SYNE2: variants seen among roughly 807,000 people sequenced by gnomAD.
SYNE2 encodes spectrin repeat containing nuclear envelope protein 2.
Under a neutral mutation model 856.3 loss-of-function variants are expected in SYNE2, and 431 were observed. The observed-to-expected ratio is 0.50, with a 90% CI of 0.47 to 0.55. SYNE2 has a LOEUF of 0.55. Ranked by LOEUF, SYNE2 falls within the 20% of genes least tolerant of loss-of-function variation. The pLI, the probability that SYNE2 is intolerant of heterozygous loss-of-function variation, is 0.00. For missense variants in SYNE2, 8,129 were observed against 8,023.2 expected (o/e 1.01, Z -0.50); for synonymous variants, 2,923 against 2,872.3 (o/e 1.02, Z -0.56).
At chr14:64,130,898 A>G (rs2098012294) in intron 76 of SYNE2, among the ~76,000 whole-genome samples, 1 of 151,052 alleles carries the variant, frequency 6.6e-6, no homozygotes, top group Admixed American at 6.6e-5. Flanking sequence ...AAAAAAAAAA[A>G]AGAAGAAAAG....
At chr14:63,770,070 C>T (rs1196591986) in intron 1 of SYNE2, among the ~76,000 whole-genome samples, 1 of 152,118 alleles carries the variant, frequency 6.6e-6, no homozygotes, top group African/African-American at 2.4e-5. Context: ...TGCCATCATG[C>T]CTGGCTAATT....
chr14:64,050,346 A>G (rs890202884), intron 47 of SYNE2, among the ~76,000 whole-genome samples: 10 of 152,200 alleles, frequency 6.6e-5, no homozygotes, highest in African/African-American at 2.4e-4. Flanking sequence ...GTTTCAAAAT[A>G]TGAATTTTAA....
chr14:64,013,639 A>G (rs761287142), intron 32 of SYNE2, among the ~76,000 whole-genome samples: 1 of 152,208 alleles, frequency 6.6e-6, no homozygotes, highest in Non-Finnish European at 1.5e-5. Flanking sequence ...CTGTGTGGAC[A>G]AACATTTATT....
intron 97 of SYNE2, 141 bp downstream of exon 97, chr14:64,186,720 T>C: frequency 9.4e-7 from 1 of 1,064,090 alleles, no homozygotes. Flanking sequence ...GCTGCTCCTT[T>C]AGAAGGCAGC....
At chr14:63,862,267 A>G (rs1222954791) in intron 1 of SYNE2, among the ~76,000 whole-genome samples, 1 of 152,254 alleles carries the variant, frequency 6.6e-6, no homozygotes, top group East Asian at 1.9e-4. Context: ...GTATTTGCAT[A>G]ACATCTACTA....
At chr14:63,786,112 T>TG (rs983952288) in intron 1 of SYNE2, among the ~76,000 whole-genome samples, 3 of 152,038 alleles carry the variant, frequency 2.0e-5, no homozygotes, top group African/African-American at 7.2e-5. Flanking sequence ...TAGCTGGGCA[T>TG]GGTGGTGTGT....
At chr14:63,831,087 C>T (rs1248641218) in intron 1 of SYNE2, among the ~76,000 whole-genome samples, 8 of 152,016 alleles carry the variant, frequency 5.3e-5, no homozygotes, top group African/African-American at 1.4e-4. Flanking sequence ...GTGATCCACC[C>T]GCTTCGGCCT....
chr14:63,819,067 A>G (rs1390111511), intron 1 of SYNE2, among the ~76,000 whole-genome samples: 1 of 151,936 alleles, frequency 6.6e-6, no homozygotes, highest in African/African-American at 2.4e-5. Flanking sequence ...AAAAAACTGG[A>G]AAGATTCAAA....
chr14:64,070,836 TC>T lies in SYNE2; in HGVS notation c.10625del (p.Pro3542LeufsTer19). ...AGCGCATCAGAAGTATCCAGAATGT[TC>T]CTGAAAGCTCAGGGGCTGTGGAAAC... is the stretch of plus-strand genomic sequence containing the variant. ...LQRIRSIQNVPESSGAVETVP... is the reference protein window; with the variant it reads ...LQRIRSIQNVXESSGAVETVP... On this transcript the variant is annotated frameshift_variant, in exon 52 of 116. Coordinates refer to ENST00000555002, the MANE Select transcript of SYNE2 (RefSeq NM_182914.3). LOFTEE classifies it high-confidence loss of function. 6.2e-7 allele frequency: 1 copy of T among 1,614,204 alleles called. No homozygotes were observed. Among genetic ancestry groups the T allele is most frequent in the South Asian group, 1.1e-5 (1 of 91,082 alleles).
rs2097327791 is a variant in SYNE2, at chr14:64,062,788, G to A, written c.10105G>A (p.Glu3369Lys). ...ENYKCYRKMEEDIYTNLSKME... is the reference protein window; with the variant it reads ...ENYKCYRKMEKDIYTNLSKME... ...TTACAAATGCTATAGAAAAATGGAA[G>A]AGGATATTTACACTAACCTCAGCAA... Residue 3369 changes from glutamate (E) to lysine (K), a missense_variant, in exon 50 of 116, where the codon GAG becomes AAG. Transcript: ENST00000555002. 1 of 1,613,940 alleles carries A rather than the reference G, an allele frequency of 6.2e-7. No individual in the cohort carries two copies. The highest frequency in any genetic ancestry group is 8.5e-7 in the Non-Finnish European group (1 of 1,179,856).
chr14:63,797,495 A>G (rs1184503677), intron 1 of SYNE2, among the ~76,000 whole-genome samples: 1 of 152,154 alleles, frequency 6.6e-6, no homozygotes, highest in Non-Finnish European at 1.5e-5. Context: ...TCTTATCTAT[A>G]AAAACAGATG....
At chr14:64,085,046 G>C (rs1397970957) in intron 57 of SYNE2, 2 of 701,766 alleles carry the variant, frequency 2.8e-6, no homozygotes, top group Non-Finnish European at 5.2e-6. Context: ...AAGAGAGTGA[G>C]AGAGAGCTGT....
chr14:64,121,210 C>T (rs1043828206), intron 68 of SYNE2, 149 bp downstream of exon 68: 14 of 1,108,684 alleles, frequency 1.3e-5, no homozygotes, highest in Admixed American at 9.1e-5. Flanking sequence ...GGCAACATAG[C>T]GAGACCCTGT....
rs762904780 is a variant in SYNE2 at position 64,125,164 on chromosome 14, C to G, written c.13508C>G (p.Thr4503Ser). The change falls in exon 71 of 116, where the codon ACC becomes AGC. Residue 4503 changes from threonine (T) to serine (S), a missense_variant. By Grantham distance (58) the Thr-to-Ser change is moderately conservative. Coordinates refer to ENST00000555002, the MANE Select transcript of SYNE2 (RefSeq NM_182914.3). The stretch of plus-strand genomic sequence containing the variant: ...ACTGAAGAACTGAAAACCTATACCA[C>G]CCAACTTGAAGACCTGCGCCAAGAA... ...PTTEELKTYTTQLEDLRQEAS... is the reference protein window; with the variant it reads ...PTTEELKTYTSQLEDLRQEAS... The G allele has an allele frequency of 1.2e-6, 2 of 1,614,172 alleles. No individual in the cohort carries two copies. The highest frequency in any genetic ancestry group is 1.7e-6 in the Non-Finnish European group (2 of 1,180,034).
rs564182126 is a variant in SYNE2, at chr14:64,065,546, G to T, written c.10327G>T (p.Val3443Leu). The T allele has an allele frequency of 1.9e-6, 3 of 1,614,032 alleles. No individual in the cohort carries two copies. Among genetic ancestry groups the T allele is most frequent in the South Asian group, 1.1e-5 (1 of 91,080 alleles). Reference protein sequence around the residue: ...ENDGICLLKIVSALWEKWLSL... With the variant: ...ENDGICLLKILSALWEKWLSL... ...TGATGGCATATGTTTGCTCAAGATT[G>T]TGTCGGCTCTGTGGGAGAAATGGCT... Residue 3443 changes from valine to leucine, a missense_variant, in exon 51 of 116, where the codon GTG becomes TTG. Physicochemically the swap from Val to Leu is conservative, Grantham distance 32. Around this residue, in one of 3 missense-constraint regions of SYNE2, gnomAD observed 5,410 missense variants for 5,284.8 expected, o/e 1.02. Coordinates refer to ENST00000555002, the MANE Select transcript of SYNE2 (RefSeq NM_182914.3).
At chr14:64,110,586 AC>A (rs754154603) in intron 65 of SYNE2, among the ~76,000 whole-genome samples, 1 of 56,772 alleles carries the variant, frequency 1.8e-5, no homozygotes, top group African/African-American at 6.9e-5. Context: ...AATACTTTTT[AC>A]ACCCCCCCCC....
At chr14:64,208,493 C>G (rs2098620567) in intron 100 of SYNE2, among the ~76,000 whole-genome samples, 1 of 152,178 alleles carries the variant, frequency 6.6e-6, no homozygotes, top group Non-Finnish European at 1.5e-5. Flanking sequence ...GTAGAGGACA[C>G]CCATCACCGT....
intron 1 of SYNE2, among the ~76,000 whole-genome samples, chr14:63,885,367 C>T (rs1375188632): frequency 6.6e-6 from 1 of 152,094 alleles, no homozygotes. Context: ...TATTTGGTGT[C>T]CCTTGATGTG....
At chr14:63,963,224 T>C (rs1472615937) in intron 9 of SYNE2, among the ~76,000 whole-genome samples, 2 of 152,178 alleles carry the variant, frequency 1.3e-5, no homozygotes, top group African/African-American at 2.4e-5. Flanking sequence ...GCTATTCTTT[T>C]CTAACTAATT....
Sources: allele counts gnomAD v4.1 joint callset (sites outside exome capture counted in the v4.1 genomes callset), GRCh38; gene constraint gnomAD v4.1.1; regional missense constraint gnomAD v4.1.1; transcripts MANE v1.5; gene names NCBI Gene and HGNC (gene_info 2026-07-23, HGNC 2026-07-21).